Variants in SDK1 observed in about 807,000 individuals in gnomAD.
The protein encoded by SDK1 is sidekick cell adhesion molecule 1.
In SDK1, 157 loss-of-function variants were observed where a neutral mutation model predicts 245.5. The ratio of observed to expected loss-of-function variants is 0.64; its 90% CI spans 0.56 to 0.73. The LOEUF (loss-of-function observed/expected upper bound fraction) is 0.73. SDK1 is among the 30% of genes least tolerant of loss of function. The pLI is 0.00. For missense variants in SDK1, 3,583 were observed against 3,002.3 expected, an observed-to-expected ratio of 1.19 and a Z score of -4.52; for synonymous variants, 1,647 against 1,278.5, an observed-to-expected ratio of 1.29 and a Z score of -6.15.
intron 2 of SDK1, among the ~76,000 whole-genome samples, chr7:3,629,744 C>T (rs1240832062): frequency 6.6e-6 from 1 of 152,146 alleles, no homozygotes; most frequent in Non-Finnish European, 1.5e-5. Context: ...CAGTACCCAA[C>T]AAGGGAAAAT....
At chr7:4,153,829 A>G (rs575598908) in intron 30 of SDK1, among the ~76,000 whole-genome samples, 2 of 147,132 alleles carry the variant, frequency 1.4e-5, no homozygotes, top group East Asian at 2.0e-4. Flanking sequence ...GGCATATGCT[A>G]TCGTGCCTGG....
intron 19 of SDK1, among the ~76,000 whole-genome samples, chr7:4,059,531 C>G (rs1327087636): frequency 2.0e-5 from 3 of 152,190 alleles, no homozygotes; most frequent in Non-Finnish European, 4.4e-5. Flanking sequence ...TTAGACAGGT[C>G]ATCTTGACAG....
chr7:3,519,424 AAGTGTG>A, intron 1 of SDK1, among the ~76,000 whole-genome samples: 1 of 152,194 alleles, frequency 6.6e-6, no homozygotes, highest in Middle Eastern at 3.4e-3. Flanking sequence ...ATAAAAATAA[AAGTGTG>A]AGCCTTGCTA....
intron 4 of SDK1, among the ~76,000 whole-genome samples, chr7:3,761,947 T>A (rs1184492414): frequency 6.6e-6 from 1 of 152,198 alleles, no homozygotes; most frequent in Non-Finnish European, 1.5e-5. Flanking sequence ...AAATATTGTT[T>A]CCATATGACA....
intron 5 of SDK1, among the ~76,000 whole-genome samples, chr7:3,861,576 A>G (rs377666596): frequency 2.0e-5 from 3 of 152,206 alleles, no homozygotes; most frequent in Non-Finnish European, 2.9e-5. Context: ...TTTCCATACT[A>G]TGGAGAACTT....
At chr7:3,847,870 A>G (rs1342052809) in intron 5 of SDK1, among the ~76,000 whole-genome samples, 1 of 152,230 alleles carries the variant, frequency 6.6e-6, no homozygotes, top group Non-Finnish European at 1.5e-5. Context: ...TTTCTTTGAC[A>G]GTTGGAGGTG....
At chr7:3,350,528 A>G (rs566720575) in intron 1 of SDK1, among the ~76,000 whole-genome samples, 3 of 152,322 alleles carry the variant, frequency 2.0e-5, no homozygotes, top group East Asian at 3.9e-4. Flanking sequence ...AATTAATAAT[A>G]CTGATAGTAT....
chr7:3,322,335 A>G (rs189200369), intron 1 of SDK1, among the ~76,000 whole-genome samples: 2 of 152,314 alleles, frequency 1.3e-5, no homozygotes, highest in East Asian at 3.9e-4. Flanking sequence ...TTATGACTGA[A>G]TAATATTCCA....
intron 7 of SDK1, 152 bp downstream of exon 7, chr7:3,952,072 G>C (rs1780878719): frequency 3.0e-6 from 2 of 672,130 alleles, no homozygotes; most frequent in South Asian, 3.9e-5. Flanking sequence ...ATCCTTCCTA[G>C]CCTTCTTTCC....
rs145514875 is a variant in SDK1 at position 4,042,199 on chromosome 7, C to T, written c.2603-7149C>T. Among the ~76,000 whole-genome samples the T allele has an allele frequency of 5.4e-3, 736 of 136,194 alleles. 111 individuals carry two copies. The highest frequency in any genetic ancestry group is 9.2e-3 in the Non-Finnish European group (608 of 65,810). The allele number at this position is 136,194 out of a possible 152,430, so 89.3% of individuals were successfully genotyped here. ...TCCCTGTCTCTGGGTCCCTGTGTAA[C>T]CTATCCGAGGCACAGTGAGAGACCA... is the stretch of plus-strand genomic sequence containing the variant. On this transcript the variant is annotated intron_variant, in intron 17 of 44. Transcript: ENST00000404826.
intron 1 of SDK1, among the ~76,000 whole-genome samples, chr7:3,420,541 C>T (rs1033534677): frequency 5.9e-5 from 9 of 152,066 alleles, no homozygotes; most frequent in Admixed American, 3.3e-4. Flanking sequence ...TCTAAGTAGT[C>T]GTGCTAATCT....
intron 38 of SDK1, among the ~76,000 whole-genome samples, chr7:4,218,028 T>C (rs1173380475): frequency 6.6e-6 from 1 of 152,186 alleles, no homozygotes; most frequent in Non-Finnish European, 1.5e-5. Context: ...CCTCATCACC[T>C]CTCTGAGCAA....
chr7:4,066,026 TC>T (rs1292365630), intron 19 of SDK1, among the ~76,000 whole-genome samples: 1 of 151,676 alleles, frequency 6.6e-6, no homozygotes, highest in African/African-American at 2.4e-5. Flanking sequence ...ACTAGGGGAG[TC>T]GTGTGGTGTG....
At chr7:3,319,652 C>T (rs1208972487) in intron 1 of SDK1, among the ~76,000 whole-genome samples, 2 of 152,052 alleles carry the variant, frequency 1.3e-5, no homozygotes, top group African/African-American at 2.4e-5. Context: ...GGAGGGTCTG[C>T]TCTCCTCTCC....
intron 44 of SDK1, among the ~76,000 whole-genome samples, chr7:4,247,707 G>C (rs1786986769): frequency 6.6e-6 from 1 of 152,214 alleles, no homozygotes; most frequent in African/African-American, 2.4e-5. Flanking sequence ...TGTGTTTCCA[G>C]CACTCACTGT....
At position 4,187,711 on chromosome 7, in the gene SDK1, G is replaced by A. The variant is rs545025405; in HGVS notation, c.5098+9125G>A. On this transcript the variant is annotated intron_variant, in intron 35 of 44. Transcript: ENST00000404826. Reference sequence around the variant, plus strand: ...CAGACAGCAATTCATGAATCAGGCAGCACCAGTCCAAAGGTGGTTTGGGGT... The same window carrying A: ...CAGACAGCAATTCATGAATCAGGCAACACCAGTCCAAAGGTGGTTTGGGGT... Among the ~76,000 whole-genome samples the A allele has an allele frequency of 4.0e-4, 61 of 152,344 alleles. No individual in the cohort carries two copies. In the South Asian group the frequency reaches 7.2e-3, roughly 18 times the overall value.
At chr7:3,712,724 A>C (rs1451762428) in intron 4 of SDK1, among the ~76,000 whole-genome samples, 1 of 152,238 alleles carries the variant, frequency 6.6e-6, no homozygotes, top group Non-Finnish European at 1.5e-5. Context: ...ACCTTGTTAG[A>C]GAAATGGGTA....
intron 1 of SDK1, among the ~76,000 whole-genome samples, chr7:3,528,426 G>C (rs1456573461): frequency 6.6e-6 from 1 of 151,946 alleles, no homozygotes; most frequent in African/African-American, 2.4e-5. Flanking sequence ...AGTGATCCAG[G>C]ATCCTAAGGT....
Position 4,100,010 on chromosome 7 carries a change from C to T in SDK1, c.3325-10653C>T, listed in dbSNP as rs558034920. The stretch of plus-strand genomic sequence containing the variant: ...TCTCAGGAGCTCAGTGTCTCTCGAA[C>T]GTAGGCCCAGCCAGGCCTCATGCCC... On this transcript the variant is annotated intron_variant, in intron 22 of 44. Coordinates refer to ENST00000404826, the MANE Select transcript of SDK1 (RefSeq NM_152744.4). Among the ~76,000 whole-genome samples, 39 of 152,114 alleles carry T rather than the reference C, an allele frequency of 2.6e-4. No individual in the cohort carries two copies. In the East Asian group the frequency reaches 5.1e-3, roughly 20 times the overall value.
Sources: gnomAD v4.1 joint callset for allele counts (sites outside exome capture counted in the v4.1 genomes callset) on GRCh38, gnomAD v4.1.1 for gene constraint, MANE v1.5 for transcripts, NCBI Gene and HGNC (gene_info 2026-07-23, HGNC 2026-07-21) for gene names.